Variants in XPNPEP2 observed in about 807,000 individuals in gnomAD.
XPNPEP2 encodes xaa-Pro aminopeptidase 2.
In XPNPEP2, 64 loss-of-function variants were observed where a neutral mutation model predicts 59.8. The ratio of observed to expected loss-of-function variants is 1.07; its 90% CI spans 0.87 to 1.32. The LOEUF (loss-of-function observed/expected upper bound fraction) is 1.32. Among genes scored for constraint, XPNPEP2 ranks in the 40% most tolerant of loss-of-function variants. The probability of loss-of-function intolerance (pLI) is 0.00; values close to 1 mark genes in which losing one functional copy is unlikely to be tolerated. For missense variants in XPNPEP2, 575 were observed against 546.8 expected, an observed-to-expected ratio of 1.05 and a Z score of -0.51; for synonymous variants, 235 against 210.0, an observed-to-expected ratio of 1.12 and a Z score of -1.03.
In XPNPEP2 at chrX:129,752,180, C is replaced by T. The variant is rs750742082; in HGVS notation, c.852C>T (p.Ser284=). 6.6e-6 allele frequency: 8 copies of T among 1,209,791 alleles called. No individual in the cohort carries two copies. The East Asian group carries it at 8.9e-5, about 13-fold the overall frequency. Residue 284 remains serine, a synonymous_variant, in exon 10 of 21, where the codon TCC becomes TCT. Coordinates refer to ENST00000371106, the MANE Select transcript of XPNPEP2 (RefSeq NM_003399.6). ...RLFANKSRFS[S]ETLSYLNSSC... ...TTGCAAACAAGAGTCGCTTTAGCTC[C>T]GAAACCTTGAGCTATCTGAACTCCA...
chrX:129,742,624 G>A (rs183284560), intron 2 of XPNPEP2, among the ~76,000 whole-genome samples: 3,439 of 110,227 alleles, frequency 0.031, 161 homozygotes, highest in East Asian at 0.3. Flanking sequence ...AACGGAGGCC[G>A]AGCACGGTGG....
intron 14 of XPNPEP2, among the ~76,000 whole-genome samples, chrX:129,758,341 G>C (rs1336331434): frequency 9.0e-6 from 1 of 111,106 alleles, no homozygotes; most frequent in Non-Finnish European, 1.9e-5. Context: ...AGTAGGGTGA[G>C]GCCGGGGAAA....
Position 129,746,597 on chromosome X carries a change from G to A in XPNPEP2, c.406G>A (p.Gly136Ser), listed in dbSNP as rs1208284262. The A allele has an allele frequency of 1.7e-6, 2 of 1,207,710 alleles. No homozygotes were observed. The highest frequency in any genetic ancestry group is 2.2e-6 in the Non-Finnish European group (2 of 894,195). ...DCNWELHKEV[G>S]TTPIVTWLLT... ...ATTGCTTCCTATCTTTCTTTCAGTT[G>A]GCACCACTCCTATTGTCACCTGGCT... Residue 136 changes from glycine (G) to serine (S), a missense_variant and splice_region_variant, in exon 6 of 21, where the codon GGC (glycine) becomes AGC (serine). By Grantham distance (56) the Gly-to-Ser change is moderately conservative. Coordinates refer to ENST00000371106, the MANE Select transcript of XPNPEP2 (RefSeq NM_003399.6).
chrX:129,743,266 A>C (rs941033097), intron 2 of XPNPEP2, among the ~76,000 whole-genome samples: 1 of 112,476 alleles, frequency 8.9e-6, no homozygotes. Context: ...TTTAAAGCTA[A>C]AATGACCTGT....
In XPNPEP2 at chrX:129,747,590, C is replaced by A. The variant is rs770450390; in HGVS notation, c.491-17C>A. The A allele has an allele frequency of 8.3e-7, 1 of 1,208,957 alleles. No individual in the cohort carries two copies. The highest frequency in any genetic ancestry group is 1.1e-6 in the Non-Finnish European group (1 of 893,482). Reference sequence around the variant, plus strand: ...GTAAATGGGCAAGGGACAAGTGACTCCTTCTTGTCTCTGCAGACACCTGGG... The same window carrying A: ...GTAAATGGGCAAGGGACAAGTGACTACTTCTTGTCTCTGCAGACACCTGGG... On this transcript the variant is annotated splice_polypyrimidine_tract_variant and intron_variant, in intron 6 of 20. Transcript: ENST00000371106.
At chrX:129,758,987 T>C (rs767112604) in intron 14 of XPNPEP2, among the ~76,000 whole-genome samples, 193 bp from the exon 15 acceptor site, 1 of 111,661 alleles carries the variant, frequency 9.0e-6, no homozygotes, top group African/African-American at 3.3e-5. Flanking sequence ...TAGTAACTTT[T>C]AACTTGATAG....
intron 1 of XPNPEP2, among the ~76,000 whole-genome samples, chrX:129,740,074 G>A (rs1056268203): frequency 1.8e-5 from 2 of 112,731 alleles, no homozygotes; most frequent in African/African-American, 6.4e-5. Context: ...CTGCTCTTGG[G>A]AGCCACAGCC....
At chrX:129,743,146 C>T (rs1482253033) in intron 2 of XPNPEP2, among the ~76,000 whole-genome samples, 2 of 112,284 alleles carry the variant, frequency 1.8e-5, no homozygotes, top group South Asian at 7.4e-4. Flanking sequence ...TTATGGGACC[C>T]CTGGGGCAGG....
At chrX:129,745,078 C>A in intron 3 of XPNPEP2, 125 bp from the exon 4 acceptor site, 1 of 780,900 alleles carries the variant, frequency 1.3e-6, no homozygotes, top group Non-Finnish European at 1.9e-6. Context: ...ACTTGGTGTG[C>A]TTGGGCTTGT....
At chrX:129,759,103 G>A in intron 14 of XPNPEP2, 77 bp from the exon 15 acceptor site, 1 of 1,150,117 alleles carries the variant, frequency 8.7e-7, no homozygotes, top group Non-Finnish European at 1.2e-6. Flanking sequence ...CCTGCCACTT[G>A]TGGAAAGCAC....
intron 4 of XPNPEP2, among the ~76,000 whole-genome samples, 200 bp from the exon 5 acceptor site, chrX:129,746,036 G>C (rs1926289128): frequency 8.9e-6 from 1 of 111,931 alleles, no homozygotes; most frequent in Admixed American, 9.5e-5. Flanking sequence ...AGAGGTGCCT[G>C]ATTCAGGACA....
At chrX:129,762,828 G>C in intron 19 of XPNPEP2, 58 bp downstream of exon 19, 1 of 1,042,299 alleles carries the variant, frequency 9.6e-7, no homozygotes, top group East Asian at 3.0e-5. Flanking sequence ...ACTTTGGGCT[G>C]CATGGGAGGA....
intron 1 of XPNPEP2, among the ~76,000 whole-genome samples, chrX:129,741,472 C>G (rs1926180241): frequency 8.9e-6 from 1 of 112,358 alleles, no homozygotes; most frequent in Non-Finnish European, 1.9e-5. Flanking sequence ...AGTGATGTCA[C>G]AAATATCAAA....
intron 15 of XPNPEP2, among the ~76,000 whole-genome samples, chrX:129,759,712 A>T (rs763094948): frequency 8.9e-6 from 1 of 112,993 alleles, no homozygotes; most frequent in African/African-American, 3.2e-5. Context: ...TGCTGCATGC[A>T]GCAGGCCGAC....
Position 129,757,871 on chromosome X carries a change from GAA to G in XPNPEP2, c.1368-1307_1368-1306del, listed in dbSNP as rs1218164228. ...AGAAAGAAAGAAAGAGGGAGAGAGA[GAA>G]AGAGAGAGAGAGAGAGAGAGAGAAA... is the stretch of plus-strand genomic sequence containing the variant. On this transcript the variant is annotated intron_variant, in intron 14 of 20. Coordinates refer to ENST00000371106, the MANE Select transcript of XPNPEP2 (RefSeq NM_003399.6). 6.2e-3 allele frequency among the ~76,000 whole-genome samples: 401 copies of G among 64,733 alleles called. 9 individuals carry two copies. The highest frequency in any genetic ancestry group is 0.039 in the African/African-American group (386 of 9,927). 56.2% of individuals were successfully genotyped at this position (64,733 alleles called of 115,157 possible).
chrX:129,744,134 G>A (rs1926250728), intron 3 of XPNPEP2, 63 bp downstream of exon 3: 2 of 1,021,892 alleles, frequency 2.0e-6, no homozygotes, highest in Non-Finnish European at 2.7e-6. Flanking sequence ...CCACAAACAG[G>A]AGCTGTTAAA....
intron 19 of XPNPEP2, among the ~76,000 whole-genome samples, chrX:129,765,000 GA>G (rs902157197): frequency 4.5e-5 from 5 of 110,577 alleles, no homozygotes; most frequent in African/African-American, 9.8e-5. Flanking sequence ...AAAGAGAAGG[GA>G]AAAAAAAGTC....
At chrX:129,754,633 G>C (rs777291115) in intron 12 of XPNPEP2, 52 bp downstream of exon 12, 1 of 1,065,282 alleles carries the variant, frequency 9.4e-7, no homozygotes, top group South Asian at 2.0e-5. Context: ...GTGTGGCAGT[G>C]GGGGCAGGGA....
chrX:129,764,456 G>C (rs1926709672), intron 19 of XPNPEP2, among the ~76,000 whole-genome samples: 1 of 109,858 alleles, frequency 9.1e-6, no homozygotes, highest in Non-Finnish European at 1.9e-5. Context: ...AGGAGTTCGA[G>C]ACCAGCCTGA....
Sources: allele counts gnomAD v4.1 joint callset (sites outside exome capture counted in the v4.1 genomes callset), GRCh38; gene constraint gnomAD v4.1.1; transcripts MANE v1.5; gene names NCBI Gene and HGNC (gene_info 2026-07-23, HGNC 2026-07-21).